Variants in SMCO4 observed in about 807,000 individuals in gnomAD.
SMCO4 encodes the protein single-pass membrane protein with coiled-coil domains 4, also known as single-pass membrane and coiled-coil domain-containing protein 4.
In SMCO4, 4 loss-of-function variants were observed where a neutral mutation model predicts 3.6. That is an observed-to-expected ratio of 1.11 (90% CI 0.54 to 2.53). The LOEUF (loss-of-function observed/expected upper bound fraction) is 2.53, where lower values mean the gene tolerates loss of function less well. Among genes scored for constraint, SMCO4 ranks in the 30% most tolerant of loss-of-function variants. The pLI, the probability that SMCO4 is intolerant of heterozygous loss-of-function variation, is 0.02. For synonymous variants in SMCO4, 36 were observed against 35.3 expected (o/e 1.02, Z -0.07); for missense variants, 70 against 80.8 (o/e 0.87, Z 0.51).
intron 1 of SMCO4, among the ~76,000 whole-genome samples, chr11:93,513,814 T>G (rs1948980496): frequency 6.6e-6 from 1 of 152,226 alleles, no homozygotes; most frequent in Admixed American, 6.5e-5. Flanking sequence ...TTTCCCAGAC[T>G]GCTCCGTGAG....
intron 1 of SMCO4, among the ~76,000 whole-genome samples, chr11:93,529,469 A>G (rs1028642931): frequency 6.6e-6 from 1 of 152,104 alleles, no homozygotes; most frequent in Non-Finnish European, 1.5e-5. Flanking sequence ...TCACAATGAC[A>G]TCGGCCTCCC....
chr11:93,495,494 C>T (rs1036354873), intron 2 of SMCO4, among the ~76,000 whole-genome samples: 70 of 152,206 alleles, frequency 4.6e-4, no homozygotes, highest in African/African-American at 1.6e-3. Flanking sequence ...GAAAACAAAT[C>T]GGCTTCAAGA....
Position 93,479,122 on chromosome 11 carries a change from A to G in SMCO4, c.68T>C (p.Met23Thr). 6.2e-7 allele frequency: 1 copy of G among 1,614,050 alleles called. No individual in the cohort carries two copies. Among genetic ancestry groups the G allele is most frequent in the Non-Finnish European group, 8.5e-7 (1 of 1,180,026 alleles). The change falls in exon 3 of 3, where the codon ATG becomes ACG. Residue 23 changes from methionine (M) to threonine (T), a missense_variant. Physicochemically the swap from Met to Thr is moderately conservative, Grantham distance 81 (BLOSUM62 -1). Coordinates refer to ENST00000298966, the MANE Select transcript of SMCO4 (RefSeq NM_020179.3). ...AGTGATCTGCTGCCGGGCCTCCTGCATGGCTTGCTTCCGCTCCTTCTTGTC... is the reference window on the plus strand; with the variant it reads ...AGTGATCTGCTGCCGGGCCTCCTGCGTGGCTTGCTTCCGCTCCTTCTTGTC... ...SKDKKERKQA[M>T]QEARQQITTV...
intron 1 of SMCO4, among the ~76,000 whole-genome samples, chr11:93,513,828 G>A (rs1374304721): frequency 6.6e-6 from 1 of 152,226 alleles, no homozygotes; most frequent in East Asian, 1.9e-4. Context: ...CCGTGAGGGG[G>A]ACAGCCTTTC....
intron 2 of SMCO4, among the ~76,000 whole-genome samples, chr11:93,481,739 A>C (rs1296161203): frequency 6.6e-6 from 1 of 152,230 alleles, no homozygotes; most frequent in African/African-American, 2.4e-5. Context: ...GCCTCAAAAA[A>C]ATTGTTTAAA....
intron 2 of SMCO4, among the ~76,000 whole-genome samples, chr11:93,480,446 G>C (rs900356012): frequency 7.2e-5 from 11 of 152,228 alleles, no homozygotes; most frequent in Admixed American, 5.2e-4. Context: ...CCATGCATGT[G>C]TGACTAGCCA....
upstream of SMCO4, among the ~76,000 whole-genome samples, chr11:93,544,942 G>C (rs183689627): frequency 6.6e-6 from 1 of 152,162 alleles, no homozygotes; most frequent in Admixed American, 6.5e-5. Flanking sequence ...AAAGAATGAG[G>C]GGAACACGCG....
chr11:93,512,264 C>A (rs1367108908), intron 1 of SMCO4, among the ~76,000 whole-genome samples: 1 of 152,192 alleles, frequency 6.6e-6, no homozygotes, highest in East Asian at 1.9e-4. Context: ...TATATGACAG[C>A]AGTCCTCTAA....
At chr11:93,487,054 A>C (rs572938308) in intron 2 of SMCO4, among the ~76,000 whole-genome samples, 23 of 152,320 alleles carry the variant, frequency 1.5e-4, no homozygotes, top group African/African-American at 5.3e-4. Flanking sequence ...AGAAGGGCCA[A>C]ACTGCTCTAT....
At chr11:93,530,330 C>A (rs1308082984) in intron 1 of SMCO4, among the ~76,000 whole-genome samples, 1 of 152,116 alleles carries the variant, frequency 6.6e-6, no homozygotes, top group Non-Finnish European at 1.5e-5. Context: ...TGTCTGTTTG[C>A]TCTCTCTTCT....
intron 1 of SMCO4, among the ~76,000 whole-genome samples, chr11:93,519,340 GTCTT>G (rs957660918): frequency 3.9e-5 from 6 of 152,218 alleles, no homozygotes; most frequent in African/African-American, 1.4e-4. Flanking sequence ...ACAAGACTGA[GTCTT>G]TGCATACAAG....
chr11:93,502,167 GATTAC>G (rs1346564637), intron 1 of SMCO4, among the ~76,000 whole-genome samples: 2 of 152,082 alleles, frequency 1.3e-5, no homozygotes, highest in Non-Finnish European at 2.9e-5. Flanking sequence ...GTTGTAAAGT[GATTAC>G]ATTAATCTGT....
At chr11:93,520,621 G>A (rs1949048481) in intron 1 of SMCO4, among the ~76,000 whole-genome samples, 1 of 152,178 alleles carries the variant, frequency 6.6e-6, no homozygotes, top group Non-Finnish European at 1.5e-5. Context: ...AGCAAGTTTT[G>A]ACCATTAGAT....
chr11:93,538,082 G>C (rs565318217), intron 1 of SMCO4, among the ~76,000 whole-genome samples: 1 of 152,316 alleles, frequency 6.6e-6, no homozygotes, highest in East Asian at 1.9e-4. Context: ...AGGGGAAAGG[G>C]CACAAAACCA....
chr11:93,516,683 G>A (rs752747035), intron 1 of SMCO4, among the ~76,000 whole-genome samples: 15 of 152,030 alleles, frequency 9.9e-5, no homozygotes, highest in East Asian at 5.8e-4. Flanking sequence ...CCAGCTACCC[G>A]GGAGGCTGAG....
At chr11:93,526,684 T>C (rs961624312) in intron 1 of SMCO4, among the ~76,000 whole-genome samples, 4 of 152,160 alleles carry the variant, frequency 2.6e-5, no homozygotes, top group African/African-American at 9.7e-5. Context: ...AAAATTCTCA[T>C]CAGAGAAACT....
At chr11:93,526,134 T>C (rs1949105002) in intron 1 of SMCO4, among the ~76,000 whole-genome samples, 3 of 152,154 alleles carry the variant, frequency 2.0e-5, no homozygotes, top group Non-Finnish European at 4.4e-5. Context: ...TTCTGCCTAC[T>C]GTACCTTGAT....
chr11:93,509,780 A>G (rs920242945), intron 1 of SMCO4, among the ~76,000 whole-genome samples: 2 of 152,194 alleles, frequency 1.3e-5, no homozygotes, highest in Non-Finnish European at 2.9e-5. Context: ...GTGCAAAGGC[A>G]TAAGAATGAT....
chr11:93,535,509 C>G, intron 1 of SMCO4: 1 of 1,386,754 alleles, frequency 7.2e-7, no homozygotes, highest in Middle Eastern at 2.5e-4. Flanking sequence ...ACGGAGCTGA[C>G]CAGACTTTTC....
Sources: gnomAD v4.1 joint callset for allele counts (sites outside exome capture counted in the v4.1 genomes callset) on GRCh38, gnomAD v4.1.1 for gene constraint, MANE v1.5 for transcripts, NCBI Gene and HGNC (gene_info 2026-07-23, HGNC 2026-07-21) for gene names.